The following PARD3B variants were observed in gnomAD, a reference collection of about 807,000 sequenced individuals.
The protein encoded by PARD3B is par-3 family cell polarity regulator beta.
A neutral mutation model predicts 130.2 loss-of-function variants in PARD3B; 103 were observed. The observed-to-expected ratio is 0.79, with a 90% CI of 0.67 to 0.93. The LOEUF (loss-of-function observed/expected upper bound fraction) is 0.93. Ranked by LOEUF, PARD3B falls within the 40% of genes least tolerant of loss-of-function variation. The pLI is 0.00. For missense variants in PARD3B, 1,609 were observed against 1,499.2 expected (o/e 1.07, Z -1.21); for synonymous variants, 583 against 553.2 (o/e 1.05, Z -0.76).
At chr2:205,476,776 T>G (rs1400427800) in intron 20 of PARD3B, among the ~76,000 whole-genome samples, 1 of 152,248 alleles carries the variant, frequency 6.6e-6, no homozygotes, top group African/African-American at 2.4e-5. Flanking sequence ...CACTTATAAG[T>G]GTTAATCACT....
chr2:205,197,294 T>C (rs191488744), intron 15 of PARD3B, among the ~76,000 whole-genome samples: 1 of 152,326 alleles, frequency 6.6e-6, no homozygotes, highest in Admixed American at 6.5e-5. Context: ...TTCTTTATTC[T>C]ATTAGTGAAA....
intron 4 of PARD3B, among the ~76,000 whole-genome samples, chr2:205,083,994 T>G (rs1431164826): frequency 1.3e-5 from 2 of 152,132 alleles, no homozygotes; most frequent in African/African-American, 2.4e-5. Flanking sequence ...CAGAAACTCT[T>G]AAACAAAATC....
At chr2:205,057,601 A>G (rs1008367484) in intron 4 of PARD3B, among the ~76,000 whole-genome samples, 3 of 73,632 alleles carry the variant, frequency 4.1e-5, no homozygotes, top group Non-Finnish European at 8.5e-5. Context: ...ATATATACAT[A>G]TATGTGTATG....
At chr2:205,316,686 G>A (rs1312323588) in intron 18 of PARD3B, among the ~76,000 whole-genome samples, 3 of 152,008 alleles carry the variant, frequency 2.0e-5, no homozygotes, top group African/African-American at 4.8e-5. Flanking sequence ...GTTTAAATTC[G>A]GATATGTGCC....
In PARD3B at chr2:204,811,305, G is replaced by C. The variant is rs540536831; in HGVS notation, c.222+125023G>C. ...TTAAATTGGAACTTTTGTATCTGTT[G>C]CCGTAATAGAAGGTCTTGAAGTACT... is the stretch of plus-strand genomic sequence containing the variant. On this transcript the variant is annotated intron_variant, in intron 2 of 22. Coordinates refer to ENST00000406610, the MANE Select transcript of PARD3B (RefSeq NM_001302769.2). 6.6e-5 allele frequency among the ~76,000 whole-genome samples: 10 copies of C among 151,964 alleles called. 1 individual carries two copies. The highest frequency in any genetic ancestry group is 1.5e-4 in the Non-Finnish European group (10 of 67,988).
intron 4 of PARD3B, among the ~76,000 whole-genome samples, chr2:205,092,016 C>T (rs998403591): frequency 6.6e-6 from 1 of 152,048 alleles, no homozygotes; most frequent in African/African-American, 2.4e-5. Context: ...AAAACCTTTC[C>T]CTTGAATTCC....
intron 2 of PARD3B, among the ~76,000 whole-genome samples, chr2:204,747,748 G>C (rs2040301765): frequency 6.6e-6 from 1 of 152,060 alleles, no homozygotes; most frequent in Non-Finnish European, 1.5e-5. Context: ...CATTGGAACA[G>C]AACAGAGCCC....
At chr2:204,868,458 T>A (rs562670471) in intron 2 of PARD3B, among the ~76,000 whole-genome samples, 1 of 152,066 alleles carries the variant, frequency 6.6e-6, no homozygotes, top group African/African-American at 2.4e-5. Flanking sequence ...ATATATGAGG[T>A]TTAAAAATTA....
At chr2:205,188,495 G>A (rs1227156099) in intron 14 of PARD3B, among the ~76,000 whole-genome samples, 2 of 152,182 alleles carry the variant, frequency 1.3e-5, no homozygotes, top group Non-Finnish European at 1.5e-5. Context: ...TAGACAAGGA[G>A]GCTGCTCCGA....
At position 204,675,804 on chromosome 2, in the gene PARD3B, A is replaced by C. The variant is rs532615763; in HGVS notation, c.121-10377A>C. On this transcript the variant is annotated intron_variant, in intron 1 of 22. Coordinates refer to ENST00000406610, the MANE Select transcript of PARD3B (RefSeq NM_001302769.2). The surrounding 1 kb of genome is among the most constrained non-coding windows in gnomAD (Gnocchi z 4.4). ...CAATACTTAAATATTTTTCTATTTG[A>C]AAAAGGGAATAAGTAATATTATTAA... Among the ~76,000 whole-genome samples the C allele has an allele frequency of 6.6e-6, 1 of 152,206 alleles. No individual in the cohort carries two copies. Among genetic ancestry groups the C allele is most frequent in the African/African-American group, 2.4e-5 (1 of 41,458 alleles).
In PARD3B at chr2:204,545,730, G is replaced by A. The variant is rs1408049219; in HGVS notation, c.-270G>A. 1 of 186,472 alleles carries A rather than the reference G, an allele frequency of 5.4e-6. No homozygotes were observed. Among genetic ancestry groups the A allele is most frequent in the Non-Finnish European group, 8.3e-6 (1 of 120,052 alleles). 11.6% of individuals were successfully genotyped at this position (186,472 alleles called of 1,614,324 possible). On this transcript the variant is annotated 5_prime_UTR_variant, in exon 1 of 23. Coordinates refer to ENST00000406610, the MANE Select transcript of PARD3B (RefSeq NM_001302769.2). ...GTAGGAGCGGGAGGAGGAGGAGGAG[G>A]AGCCGGTGCCGCGGAGCTGCCGCGT...
At chr2:204,691,109 A>G (rs1430094138) in intron 2 of PARD3B, among the ~76,000 whole-genome samples, 1 of 152,126 alleles carries the variant, frequency 6.6e-6, no homozygotes, top group Non-Finnish European at 1.5e-5. Flanking sequence ...TGCTTAGTAA[A>G]CCACTGCAAA....
At chr2:204,813,909 CCTTTAA>C (rs749931621) in intron 2 of PARD3B, among the ~76,000 whole-genome samples, 109 of 151,940 alleles carry the variant, frequency 7.2e-4, no homozygotes, top group Admixed American at 1.2e-3. Context: ...TCATATTGGC[CCTTTAA>C]CTTTGTTTCT....
At chr2:204,784,356 C>T (rs1012449265) in intron 2 of PARD3B, among the ~76,000 whole-genome samples, 7 of 151,820 alleles carry the variant, frequency 4.6e-5, no homozygotes, top group South Asian at 2.1e-4. Flanking sequence ...TTTGAAGATG[C>T]GAGGGCTATA....
At chr2:204,746,741 G>A (rs1221539474) in intron 2 of PARD3B, among the ~76,000 whole-genome samples, 2 of 152,150 alleles carry the variant, frequency 1.3e-5, no homozygotes, top group East Asian at 3.9e-4. Context: ...GTGATGACGA[G>A]CGTTTTTTCA....
At chr2:204,997,083 A>C (rs1013682089) in intron 3 of PARD3B, among the ~76,000 whole-genome samples, 4 of 152,064 alleles carry the variant, frequency 2.6e-5, no homozygotes, top group Admixed American at 1.3e-4. Context: ...AGCTGTTCCT[A>C]TTCGGCCATC....
At chr2:204,954,478 C>T (rs912415333) in intron 2 of PARD3B, among the ~76,000 whole-genome samples, 21 of 152,204 alleles carry the variant, frequency 1.4e-4, no homozygotes, top group African/African-American at 3.6e-4. Flanking sequence ...ATTTGCTAAA[C>T]GTGTTCATGC....
intron 11 of PARD3B, 141 bp downstream of exon 11, chr2:205,159,048 A>T (rs2034355358): frequency 1.2e-6 from 1 of 860,754 alleles, no homozygotes; most frequent in Non-Finnish European, 1.8e-6. Flanking sequence ...TATATGTGTG[A>T]ACAGATCTGG....
At position 205,422,456 on chromosome 2, in the gene PARD3B, T is replaced by G. The variant is rs201884400; in HGVS notation, c.2742-17914T>G. ...TGCTGTTTAATGACTAGATTCTCCA[T>G]GAAGGGAGCTATCTGGCCACACCTT... On this transcript the variant is annotated intron_variant, in intron 19 of 22. Transcript: ENST00000406610. Among the ~76,000 whole-genome samples, 18 of 152,296 alleles carry G rather than the reference T, an allele frequency of 1.2e-4. No homozygotes were observed. The East Asian group carries it at 3.5e-3, about 29-fold the overall frequency.
Sources: allele counts gnomAD v4.1 joint callset (sites outside exome capture counted in the v4.1 genomes callset), GRCh38; gene constraint gnomAD v4.1.1; non-coding constraint Gnocchi (gnomAD v3.1); transcripts MANE v1.5; gene names NCBI Gene and HGNC (gene_info 2026-07-23, HGNC 2026-07-21).